The following TADA2A variants were observed in gnomAD, a reference collection of about 807,000 sequenced individuals.
TADA2A encodes transcriptional adaptor 2A.
A neutral mutation model predicts 67.4 loss-of-function variants in TADA2A; 38 were observed. The ratio of observed to expected loss-of-function variants is 0.56; its 90% confidence interval spans 0.44 to 0.74. The LOEUF is 0.74. Among genes scored for constraint, TADA2A ranks in the 30% least tolerant of loss-of-function variants. TADA2A has a pLI of 0.00. For missense variants in TADA2A, 454 were observed against 547.0 expected (o/e 0.83, Z 1.70); for synonymous variants, 192 against 181.6 (o/e 1.06, Z -0.46).
At chr17:37,440,425 A>T (rs2052878699) in intron 5 of TADA2A, 80 bp from the exon 6 acceptor site, 4 of 1,506,098 alleles carry the variant, frequency 2.7e-6, no homozygotes, top group Non-Finnish European at 3.6e-6. Flanking sequence ...GTGACTTAAA[A>T]TATGAAAAGA....
chr17:37,460,578 G>A (rs901439364), intron 9 of TADA2A, among the ~76,000 whole-genome samples: 1 of 152,120 alleles, frequency 6.6e-6, no homozygotes, highest in Non-Finnish European at 1.5e-5. Flanking sequence ...CTTTCTAACT[G>A]TTCATTTTTT....
rs998397011 is a variant in TADA2A, at chr17:37,412,920, C to G, written c.25+1530C>G. ...GAAAAGTACTTTTTGGGTGTTGTTT[C>G]CTCTTCAACAATTCGTGTTTTTTTT... On this transcript the variant is annotated intron_variant, in intron 2 of 15. Transcript: ENST00000615182. Among the ~76,000 whole-genome samples the G allele has an allele frequency of 5.9e-5, 9 of 152,120 alleles. No homozygotes were observed. In the East Asian group the frequency reaches 1.5e-3, roughly 26 times the overall value.
chr17:37,436,292 G>A (rs1770692140), intron 4 of TADA2A: 1 of 152,116 alleles, frequency 6.6e-6, no homozygotes, highest in Non-Finnish European at 1.5e-5. Flanking sequence ...CTTTCTGTGT[G>A]ATTATGCCTT....
chr17:37,442,516 A>T (rs2052951025), intron 6 of TADA2A, 48 bp from the exon 7 acceptor site: 1 of 1,407,520 alleles, frequency 7.1e-7, no homozygotes, highest in African/African-American at 1.4e-5. Context: ...CATTTTTTTC[A>T]TGCCAATATT....
In TADA2A at chr17:37,474,656, AAG is replaced by A. The variant is rs1228969193; in HGVS notation, c.1146+31_1146+32del. The A allele has an allele frequency of 2.5e-6, 4 of 1,596,756 alleles. No individual in the cohort carries two copies. In the African/African-American group the frequency reaches 5.4e-5, roughly 21 times the overall value. On this transcript the variant is annotated intron_variant, in intron 15 of 15. Coordinates refer to ENST00000615182, the MANE Select transcript of TADA2A (RefSeq NM_001166105.3). ...TAACAAAAGGGAGGGGGCTGGGAGA[AAG>A]AGAATAGGGGCTGATTATTCATTGA...
intron 15 of TADA2A, among the ~76,000 whole-genome samples, chr17:37,475,977 G>A (rs2053885019): frequency 6.6e-6 from 1 of 152,178 alleles, no homozygotes; most frequent in South Asian, 2.1e-4. Flanking sequence ...CCCAAGGTCA[G>A]TTCCCCATCT....
intron 15 of TADA2A, among the ~76,000 whole-genome samples, chr17:37,475,286 C>T (rs370451495): frequency 1.3e-5 from 2 of 151,792 alleles, no homozygotes; most frequent in East Asian, 1.9e-4. Flanking sequence ...ATTCTTCTGC[C>T]TCAGCTCCCC....
At position 37,477,178 on chromosome 17, in the gene TADA2A, T is replaced by TA; in HGVS notation, c.*197dup. 1.8e-6 allele frequency: 1 copy of TA among 557,104 alleles called. No homozygotes were observed. Among genetic ancestry groups the TA allele is most frequent in the Non-Finnish European group, 3.1e-6 (1 of 324,176 alleles). 34.5% of individuals were successfully genotyped at this position (557,104 alleles called of 1,614,324 possible). A position where few individuals can be genotyped will look rare whatever the true frequency, so the allele number is the denominator to read the frequency against. ...TTTAAAACACTCCTGTTGTTGGTAT[T>TA]ATGCTGCAGAGTTGTGTGCTACATA... On this transcript the variant is annotated 3_prime_UTR_variant, in exon 16 of 16. Coordinates refer to ENST00000615182, the MANE Select transcript of TADA2A (RefSeq NM_001166105.3).
intron 2 of TADA2A, 54 bp from the exon 3 acceptor site, chr17:37,423,455 T>C: frequency 7.2e-7 from 1 of 1,389,630 alleles, no homozygotes; most frequent in Non-Finnish European, 9.9e-7. Flanking sequence ...CTTTTTGCAC[T>C]TAAGATAACC....
At chr17:37,414,666 A>G (rs966630965) in intron 2 of TADA2A, among the ~76,000 whole-genome samples, 4 of 152,056 alleles carry the variant, frequency 2.6e-5, no homozygotes, top group African/African-American at 9.7e-5. Context: ...TCACATTGAT[A>G]CCTCTAATTC....
intron 8 of TADA2A, among the ~76,000 whole-genome samples, chr17:37,445,288 C>T (rs1169305363): frequency 6.6e-6 from 1 of 152,142 alleles, no homozygotes; most frequent in African/African-American, 2.4e-5. Flanking sequence ...GTTTTTGAGA[C>T]GGAGTCTCAC....
chr17:37,441,319 C>G (rs965895577), intron 6 of TADA2A, among the ~76,000 whole-genome samples: 4 of 151,948 alleles, frequency 2.6e-5, no homozygotes, highest in African/African-American at 9.7e-5. Flanking sequence ...AGTTTTTTTT[C>G]AATCCCTTTG....
intron 2 of TADA2A, among the ~76,000 whole-genome samples, chr17:37,412,869 T>C (rs1177202374): frequency 6.6e-6 from 1 of 152,176 alleles, no homozygotes; most frequent in African/African-American, 2.4e-5. Flanking sequence ...GTTAGATGTT[T>C]AGTAGTATCC....
chr17:37,427,751 G>T (rs1486212826), intron 4 of TADA2A, among the ~76,000 whole-genome samples: 2 of 152,094 alleles, frequency 1.3e-5, no homozygotes, highest in African/African-American at 4.8e-5. Flanking sequence ...AGGCCAGGTT[G>T]GGCAGATCAC....
At chr17:37,442,116 G>A (rs1300092875) in intron 6 of TADA2A, among the ~76,000 whole-genome samples, 1 of 151,928 alleles carries the variant, frequency 6.6e-6, no homozygotes, top group African/African-American at 2.4e-5. Context: ...GTTAGTTTGT[G>A]CAGGGTCATG....
At chr17:37,472,934 T>C (rs1216489687) in intron 14 of TADA2A, among the ~76,000 whole-genome samples, 1 of 152,002 alleles carries the variant, frequency 6.6e-6, no homozygotes, top group East Asian at 1.9e-4. Flanking sequence ...TTGTTCTCTG[T>C]ACTATCTGCA....
chr17:37,451,323 T>A (rs2147997079), intron 8 of TADA2A, among the ~76,000 whole-genome samples: 1 of 149,748 alleles, frequency 6.7e-6, no homozygotes, highest in South Asian at 2.1e-4. Context: ...TTTTTGTTTT[T>A]TGGCTTTTTT....
In TADA2A at chr17:37,419,971, C is replaced by T. The variant is rs1030388781; in HGVS notation, c.26-3538C>T. Among the ~76,000 whole-genome samples, 6 of 144,144 alleles carry T rather than the reference C, an allele frequency of 4.2e-5. 2 individuals are homozygous for T. Among genetic ancestry groups the T allele is most frequent in the Non-Finnish European group, 9.2e-5 (6 of 64,918 alleles). The allele number at this position is 144,144 out of a possible 152,430, so 94.6% of individuals were successfully genotyped here. The stretch of plus-strand genomic sequence containing the variant: ...TGGAGCTTGCAGTGAGCTGAGATCG[C>T]GCCACTGCACTTCAGCCTGGGCGAC... On this transcript the variant is annotated intron_variant, in intron 2 of 15. Coordinates refer to ENST00000615182, the MANE Select transcript of TADA2A (RefSeq NM_001166105.3).
chr17:37,454,743 A>G (rs910368841), intron 8 of TADA2A: 37 of 343,434 alleles, frequency 1.1e-4, no homozygotes, highest in African/African-American at 5.7e-4. Context: ...TCTCTTGCTA[A>G]TATAGTGGCC....
Sources: gnomAD v4.1 joint callset for allele counts (sites outside exome capture counted in the v4.1 genomes callset) on GRCh38, gnomAD v4.1.1 for gene constraint, MANE v1.5 for transcripts, NCBI Gene and HGNC (gene_info 2026-07-23, HGNC 2026-07-21) for gene names.